The following NCKAP5 variants were observed in gnomAD, a reference collection of about 807,000 sequenced individuals.
NCKAP5 encodes NCK associated protein 5.
Under a neutral mutation model 167.0 loss-of-function variants are expected in NCKAP5, and 92 were observed. That is an observed-to-expected ratio of 0.55 (90% confidence interval 0.47 to 0.66). The LOEUF (loss-of-function observed/expected upper bound fraction) is 0.66, where lower values mean the gene tolerates loss of function less well. Among genes scored for constraint, NCKAP5 ranks in the 30% least tolerant of loss-of-function variants. The pLI is 0.00. For synonymous variants in NCKAP5, 891 were observed against 877.4 expected, an observed-to-expected ratio of 1.02 and a Z score of -0.27; for missense variants, 2,378 against 2,315.0, an observed-to-expected ratio of 1.03 and a Z score of -0.56.
At chr2:133,626,520 G>C in the NCKAP5 span, among the ~76,000 whole-genome samples, 1 of 121,164 alleles carries the variant, frequency 8.3e-6, no homozygotes, top group African/African-American at 4.3e-5. Context: ...TAATTCACAT[G>C]AACAAATTGC....
chr2:133,595,380 T>C, the NCKAP5 span, among the ~76,000 whole-genome samples: 3 of 150,984 alleles, frequency 2.0e-5, no homozygotes, highest in East Asian at 1.9e-4. Context: ...CCCCTTCTTC[T>C]TCCTCCTCCT....
intron 16 of NCKAP5, among the ~76,000 whole-genome samples, chr2:132,744,912 G>T (rs1409143801): frequency 6.6e-6 from 1 of 151,502 alleles, no homozygotes; most frequent in Non-Finnish European, 1.5e-5. Context: ...ACTCACTCAA[G>T]AAAAAAGATA....
At chr2:132,857,815 C>A (rs1217486220) in intron 11 of NCKAP5, among the ~76,000 whole-genome samples, 1 of 152,136 alleles carries the variant, frequency 6.6e-6, no homozygotes, top group African/African-American at 2.4e-5. Flanking sequence ...TTATTTCCAT[C>A]ATGGACCTGG....
chr2:133,030,130 C>A (rs766310419), intron 6 of NCKAP5, among the ~76,000 whole-genome samples: 1 of 152,146 alleles, frequency 6.6e-6, no homozygotes, highest in Non-Finnish European at 1.5e-5. Flanking sequence ...GGTATAGATT[C>A]GGTTTCAGGG....
At chr2:133,419,657 C>T (rs1689346421) in intron 3 of NCKAP5, among the ~76,000 whole-genome samples, 1 of 152,204 alleles carries the variant, frequency 6.6e-6, no homozygotes, top group African/African-American at 2.4e-5. Flanking sequence ...CATACTCACA[C>T]AGATGCTCTC....
At chr2:132,730,706 A>T (rs904585760) in intron 17 of NCKAP5, among the ~76,000 whole-genome samples, 10 of 152,230 alleles carry the variant, frequency 6.6e-5, no homozygotes, top group African/African-American at 2.4e-4. Flanking sequence ...TCAGGCATGG[A>T]GTACACAACC....
At chr2:132,725,885 C>T in intron 18 of NCKAP5, 126 bp from the exon 19 acceptor site, 2 of 1,003,650 alleles carry the variant, frequency 2.0e-6, no homozygotes, top group Non-Finnish European at 2.9e-6. Flanking sequence ...ATTCCCACTG[C>T]CCAGCCCGCC....
intron 2 of NCKAP5, among the ~76,000 whole-genome samples, chr2:133,547,418 G>C (rs1343134351): frequency 6.6e-6 from 1 of 152,066 alleles, no homozygotes; most frequent in Non-Finnish European, 1.5e-5. Flanking sequence ...CTCCACCTCT[G>C]GGGGCAGGGC....
At chr2:132,735,651 T>G (rs926952718) in intron 16 of NCKAP5, among the ~76,000 whole-genome samples, 1 of 152,248 alleles carries the variant, frequency 6.6e-6, no homozygotes, top group Admixed American at 6.5e-5. Flanking sequence ...AATGTTTTTC[T>G]GGCTTTGTCT....
chr2:132,973,608 G>T (rs1453574834), intron 7 of NCKAP5, among the ~76,000 whole-genome samples: 1 of 152,026 alleles, frequency 6.6e-6, no homozygotes, highest in Non-Finnish European at 1.5e-5. Flanking sequence ...AAGTTCAGGG[G>T]TTTTTAATAC....
intron 3 of NCKAP5, among the ~76,000 whole-genome samples, chr2:133,498,480 A>C (rs28738076): frequency 0.022 from 2,277 of 101,538 alleles, 59 homozygotes; most frequent in East Asian, 0.2. Flanking sequence ...GGAAGGAAGG[A>C]AGGCAGGCAG....
At chr2:133,023,225 C>T (rs1358068039) in intron 6 of NCKAP5, among the ~76,000 whole-genome samples, 1 of 152,200 alleles carries the variant, frequency 6.6e-6, no homozygotes, top group African/African-American at 2.4e-5. Context: ...CTAGTACAAG[C>T]ACCAAGTGTT....
At chr2:133,121,385 C>G (rs1219509039) in intron 6 of NCKAP5, among the ~76,000 whole-genome samples, 1 of 151,926 alleles carries the variant, frequency 6.6e-6, no homozygotes, top group Non-Finnish European at 1.5e-5. Context: ...GGGTTATTGC[C>G]ATAAGGTCAC....
chr2:133,569,075 A>G (rs1575170960), upstream of NCKAP5, among the ~76,000 whole-genome samples: 1 of 152,102 alleles, frequency 6.6e-6, no homozygotes, highest in Non-Finnish European at 1.5e-5. Flanking sequence ...TAAAATTTTA[A>G]CCACCCACCT....
At chr2:133,290,320 A>C (rs992531153) in intron 4 of NCKAP5, among the ~76,000 whole-genome samples, 1 of 152,208 alleles carries the variant, frequency 6.6e-6, no homozygotes, top group South Asian at 2.1e-4. Context: ...TTGCCTCTTC[A>C]TTGTGTTATT....
chr2:132,967,206 CACACACAT>C (rs2076699256), intron 7 of NCKAP5, among the ~76,000 whole-genome samples: 5 of 151,138 alleles, frequency 3.3e-5, no homozygotes, highest in Admixed American at 2.6e-4. Flanking sequence ...CACACATACA[CACACACAT>C]ACACACACTC....
intron 11 of NCKAP5, among the ~76,000 whole-genome samples, chr2:132,824,015 C>T (rs1417613571): frequency 6.6e-6 from 1 of 152,152 alleles, no homozygotes; most frequent in East Asian, 1.9e-4. Context: ...GCACCTAACA[C>T]TGGAGCTCCC....
chr2:133,132,891 T>C (rs1002962861), intron 5 of NCKAP5, among the ~76,000 whole-genome samples: 6 of 152,110 alleles, frequency 3.9e-5, no homozygotes, highest in Admixed American at 2.6e-4. Flanking sequence ...TTAGCCAGGA[T>C]GGTCTTGATC....
At position 132,795,832 on chromosome 2, in the gene NCKAP5, AAAAAAAC is replaced by A. The variant is rs1215964840; in HGVS notation, c.909+789_909+795del. ...AGACCCCGTATCAGAAAAAAAAAAA[AAAAAAAC>A]AAAAAAAACAAAAGAGAATGAAGCC... On this transcript the variant is annotated intron_variant, in intron 12 of 19. Coordinates refer to ENST00000409261, the MANE Select transcript of NCKAP5 (RefSeq NM_207363.3). Among the ~76,000 whole-genome samples, 83 of 149,934 alleles carry A rather than the reference AAAAAAAC, an allele frequency of 5.5e-4. 1 individual carries two copies. The highest frequency in any genetic ancestry group is 1.9e-3 in the African/African-American group (76 of 40,976).
Sources: gnomAD v4.1 joint callset for allele counts (sites outside exome capture counted in the v4.1 genomes callset) on GRCh38, gnomAD v4.1.1 for gene constraint, MANE v1.5 for transcripts, NCBI Gene and HGNC (gene_info 2026-07-23, HGNC 2026-07-21) for gene names.